The following CCND1 variants were observed in gnomAD, a reference collection of about 807,000 sequenced individuals.
CCND1 encodes G1/S-specific cyclin-D1.
CCND1 carries 9 observed loss-of-function variants against 26.1 expected under a neutral mutation model. The observed-to-expected ratio is 0.35, with a 90% CI of 0.21 to 0.60. CCND1 has a LOEUF of 0.60. Ranked by LOEUF, CCND1 falls within the 20% of genes least tolerant of loss-of-function variation. CCND1 has a pLI of 0.79. For synonymous variants in CCND1, 194 were observed against 166.1 expected, an observed-to-expected ratio of 1.17 and a Z score of -1.29; for missense variants, 335 against 392.9, an observed-to-expected ratio of 0.85 and a Z score of 1.25.
At chr11:69,649,024 G>A (rs933422985) in intron 4 of CCND1, among the ~76,000 whole-genome samples, 2 of 152,204 alleles carry the variant, frequency 1.3e-5, no homozygotes, top group Non-Finnish European at 2.9e-5. Flanking sequence ...CTTTTTTGCC[G>A]TGGGACACCG....
intron 3 of CCND1, among the ~76,000 whole-genome samples, chr11:69,645,011 C>T (rs920035466): frequency 6.6e-5 from 10 of 152,202 alleles, no homozygotes; most frequent in African/African-American, 2.4e-4. Context: ...CTTCTGACAC[C>T]GGTAGCCCGC....
rs780250886 is a variant in CCND1 at position 69,653,709 on chromosome 11, A to G, written c.*2427A>G. ...GGGCACTTCATCTGATCGGGGGCGT[A>G]GCATCATAGTAGTTTTTACAGCTGT... is the stretch of plus-strand genomic sequence containing the variant. On this transcript the variant is annotated 3_prime_UTR_variant, in exon 5 of 5. Transcript: ENST00000227507. 9.7e-6 allele frequency: 3 copies of G among 308,748 alleles called. No homozygotes were observed. The East Asian group carries it at 1.5e-4, about 15-fold the overall frequency. 19.1% of individuals were successfully genotyped at this position (308,748 alleles called of 1,614,324 possible).
intron 4 of CCND1, among the ~76,000 whole-genome samples, chr11:69,650,506 G>A (rs7944853): frequency 0.084 from 12,838 of 152,280 alleles, 1,266 homozygotes; most frequent in African/African-American, 0.24. Context: ...CTCAGTGGCC[G>A]CAGTGGGTGG....
intron 3 of CCND1, among the ~76,000 whole-genome samples, chr11:69,645,694 C>T (rs993805767): frequency 2.0e-5 from 3 of 152,184 alleles, no homozygotes; most frequent in African/African-American, 7.2e-5. Context: ...TGACTTACGG[C>T]TGCTTAAAGT....
At chr11:69,650,584 G>A (rs1250239028) in intron 4 of CCND1, among the ~76,000 whole-genome samples, 1 of 152,234 alleles carries the variant, frequency 6.6e-6, no homozygotes. Flanking sequence ...ATGGAGGGGA[G>A]GGATCAATGG....
At chr11:69,649,123 C>T (rs1033764012) in intron 4 of CCND1, among the ~76,000 whole-genome samples, 1 of 152,220 alleles carries the variant, frequency 6.6e-6, no homozygotes, top group Non-Finnish European at 1.5e-5. Context: ...GTGAGGTGTC[C>T]TCACCCGCTG....
At chr11:69,644,025 T>C (rs775013269) in intron 3 of CCND1, 34 bp downstream of exon 3, 1 of 1,610,358 alleles carries the variant, frequency 6.2e-7, no homozygotes, top group Non-Finnish European at 8.5e-7. Flanking sequence ...GGCCTCCCCT[T>C]GAGAGCCGGC....
chr11:69,642,922 C>T (rs1418946717), intron 1 of CCND1, 109 bp from the exon 2 acceptor site: 3 of 680,738 alleles, frequency 4.4e-6, no homozygotes, highest in East Asian at 3.5e-5. Context: ...CCCGACCCCT[C>T]GGCGCCCTCC....
Position 69,654,342 on chromosome 11 carries a change from C to T in CCND1, c.*3060C>T, listed in dbSNP as rs372155093. 30 of 702,554 alleles carry T rather than the reference C, an allele frequency of 4.3e-5. No homozygotes were observed. The highest frequency in any genetic ancestry group is 3.6e-4 in the Admixed American group (18 of 50,018). The allele number at this position is 702,554 out of a possible 1,614,324, so 43.5% of individuals were successfully genotyped here. A position where few individuals can be genotyped will look rare whatever the true frequency, so the allele number is the denominator to read the frequency against. ...TGACGCGCAAGTCTGAGGGTCTGGGCGGCGGGCGGCTGGGTCTGTGCATTT... is the reference window on the plus strand; with the variant it reads ...TGACGCGCAAGTCTGAGGGTCTGGGTGGCGGGCGGCTGGGTCTGTGCATTT... On this transcript the variant is annotated 3_prime_UTR_variant, in exon 5 of 5. Coordinates refer to ENST00000227507, the MANE Select transcript of CCND1 (RefSeq NM_053056.3). This position sits in a 1 kb window ranked among gnomAD's most constrained non-coding sequence, Gnocchi z 6.3.
chr11:69,654,335 G>A lies in CCND1; in HGVS notation c.*3053G>A, dbSNP rs1855901388. The A allele has an allele frequency of 1.4e-6, 1 of 702,462 alleles. No homozygotes were observed. Among genetic ancestry groups the A allele is most frequent in the Admixed American group, 2.0e-5 (1 of 49,998 alleles). The allele number at this position is 702,462 out of a possible 1,614,324, so 43.5% of individuals were successfully genotyped here. On this transcript the variant is annotated 3_prime_UTR_variant, in exon 5 of 5. Transcript: ENST00000227507. The surrounding 1 kb of genome is among the most constrained non-coding windows in gnomAD (Gnocchi z 6.3). ...TGTCCTGTGACGCGCAAGTCTGAGG[G>A]TCTGGGCGGCGGGCGGCTGGGTCTG...
Position 69,652,941 on chromosome 11 carries a change from G to A in CCND1, c.*1659G>A. ...TTCAGCCTGTTTGGCGTTTCCCAGA[G>A]TCATCTGATTGGACAGGCATGGGTG... On this transcript the variant is annotated 3_prime_UTR_variant, in exon 5 of 5. Coordinates refer to ENST00000227507, the MANE Select transcript of CCND1 (RefSeq NM_053056.3). 1 of 299,746 alleles carries A rather than the reference G, an allele frequency of 3.3e-6. No homozygotes were observed. The highest frequency in any genetic ancestry group is 1.2e-4 in the South Asian group (1 of 8,300). The allele number at this position is 299,746 out of a possible 1,614,324, so 18.6% of individuals were successfully genotyped here.
rs1381472659 is a variant in CCND1 at position 69,643,052 on chromosome 11, G to A, written c.220G>A (p.Glu74Lys). 6.2e-7 allele frequency: 1 copy of A among 1,604,832 alleles called. No homozygotes were observed. Among genetic ancestry groups the A allele is most frequent in the South Asian group, 1.1e-5 (1 of 89,924 alleles). Residue 74 changes from glutamate (E) to lysine (K), a missense_variant, in exon 2 of 5, where the codon GAG becomes AAG. Transcript: ENST00000227507. ...GTAGGTCTGCGAGGAACAGAAGTGC[G>A]AGGAGGAGGTCTTCCCGCTGGCCAT... ...MLEVCEEQKC[E>K]EEVFPLAMNY...
chr11:69,651,333 G>A lies in CCND1; in HGVS notation c.*51G>A. 2.1e-6 allele frequency: 3 copies of A among 1,396,384 alleles called. No individual in the cohort carries two copies. The highest frequency in any genetic ancestry group is 2.5e-4 in the Middle Eastern group (1 of 3,924). 86.5% of individuals were successfully genotyped at this position (1,396,384 alleles called of 1,614,324 possible). ...GCCACCCGCAGCGAGGGCGGAGCCG[G>A]CCCCAGGTGCTCCCCTGACAGTCCC... On this transcript the variant is annotated 3_prime_UTR_variant, in exon 5 of 5. Coordinates refer to ENST00000227507, the MANE Select transcript of CCND1 (RefSeq NM_053056.3).
In CCND1 at chr11:69,643,204, G is replaced by A. The variant is rs1855732224; in HGVS notation, c.372G>A (p.Leu124=). ...KETIPLTAEK[L]CIYTDNSIRP... ...CCATCCCCCTGACGGCCGAGAAGCT[G>A]TGCATCTACACCGACAACTCCATCC... Residue 124 remains leucine (L), a synonymous_variant, in exon 2 of 5, where the codon CTG becomes CTA. Coordinates refer to ENST00000227507, the MANE Select transcript of CCND1 (RefSeq NM_053056.3). The A allele has an allele frequency of 1.2e-6, 2 of 1,603,174 alleles. No homozygotes were observed. Among genetic ancestry groups the A allele is most frequent in the Middle Eastern group, 1.7e-4 (1 of 6,016 alleles).
intron 3 of CCND1, 198 bp downstream of exon 3, chr11:69,644,189 C>A (rs1005169946): frequency 1.6e-6 from 1 of 616,904 alleles, no homozygotes; most frequent in African/African-American, 1.8e-5. Context: ...GAGATTTGCT[C>A]CCTCACGGCC....
At chr11:69,646,543 G>A (rs1236638122) in intron 3 of CCND1, among the ~76,000 whole-genome samples, 3 of 152,192 alleles carry the variant, frequency 2.0e-5, no homozygotes, top group African/African-American at 7.2e-5. Context: ...TTGTTCCCGG[G>A]CGCTCAGTGG....
intron 3 of CCND1, among the ~76,000 whole-genome samples, chr11:69,646,526 A>AC (rs1395616972): frequency 2.7e-5 from 4 of 149,740 alleles, no homozygotes; most frequent in Admixed American, 1.3e-4. Flanking sequence ...AGCTCCCCCG[A>AC]CCCCCCTTGT....
At position 69,653,325 on chromosome 11, in the gene CCND1, G is replaced by A. The variant is rs1384718191; in HGVS notation, c.*2043G>A. 1 of 702,632 alleles carries A rather than the reference G, an allele frequency of 1.4e-6. No individual in the cohort carries two copies. The highest frequency in any genetic ancestry group is 2.6e-6 in the Non-Finnish European group (1 of 384,948). The allele number at this position is 702,632 out of a possible 1,614,324, so 43.5% of individuals were successfully genotyped here. A position where few individuals can be genotyped will look rare whatever the true frequency, so the allele number is the denominator to read the frequency against. On this transcript the variant is annotated 3_prime_UTR_variant, in exon 5 of 5. Coordinates refer to ENST00000227507, the MANE Select transcript of CCND1 (RefSeq NM_053056.3). ...CTCTTTCACATTGTTTGCTGCTATT[G>A]GAGGATCAGTTTTTTGTTTTACAAT...
intron 2 of CCND1, 74 bp from the exon 3 acceptor site, chr11:69,643,758 C>G: frequency 6.8e-7 from 1 of 1,478,236 alleles, no homozygotes; most frequent in East Asian, 2.3e-5. Context: ...GGCCCGGCCC[C>G]CGTGCTGCCG....
Sources: gnomAD v4.1 joint callset for allele counts (sites outside exome capture counted in the v4.1 genomes callset) on GRCh38, gnomAD v4.1.1 for gene constraint, Gnocchi (gnomAD v3.1) non-coding constraint, MANE v1.5 for transcripts, NCBI Gene and HGNC (gene_info 2026-07-23, HGNC 2026-07-21) for gene names.